Variants in CACNA2D1 observed in about 807,000 individuals in gnomAD.
The protein encoded by CACNA2D1 is voltage-dependent calcium channel subunit alpha-2/delta-1.
In CACNA2D1, 53 loss-of-function variants were observed where a neutral mutation model predicts 171.5. The ratio of observed to expected loss-of-function variants is 0.31; its 90% CI spans 0.25 to 0.39. CACNA2D1 has a LOEUF of 0.39. Ranked by LOEUF, CACNA2D1 falls within the 10% of genes least tolerant of loss-of-function variation. CACNA2D1 has a pLI of 1.00. For missense variants in CACNA2D1, 903 were observed against 1,299.8 expected (o/e 0.69, Z 4.69); for synonymous variants, 442 against 443.1 (o/e 1.00, Z 0.03).
At chr7:82,103,418 G>A (rs1362365629) in intron 6 of CACNA2D1, among the ~76,000 whole-genome samples, 2 of 152,196 alleles carry the variant, frequency 1.3e-5, no homozygotes, top group African/African-American at 4.8e-5. Context: ...ATTATGTGTT[G>A]AAAGTCTTGA....
At chr7:81,993,775 C>A (rs933168908) in intron 20 of CACNA2D1, among the ~76,000 whole-genome samples, 1 of 151,820 alleles carries the variant, frequency 6.6e-6, no homozygotes, top group African/African-American at 2.4e-5. Flanking sequence ...TTTTAAAATT[C>A]TAAGACAGGA....
intron 3 of CACNA2D1, among the ~76,000 whole-genome samples, chr7:82,215,940 T>C (rs1801050286): frequency 6.6e-6 from 1 of 152,124 alleles, no homozygotes; most frequent in Admixed American, 6.6e-5. Context: ...TTTCCCAGAA[T>C]CCAATTCAAT....
chr7:82,000,207 C>T (rs888860315), intron 18 of CACNA2D1, among the ~76,000 whole-genome samples: 2 of 151,860 alleles, frequency 1.3e-5, no homozygotes, highest in African/African-American at 2.4e-5. Flanking sequence ...TGCAGTAAGC[C>T]GAGATTGCGC....
rs1326964667 is a variant in CACNA2D1, at chr7:82,066,503, CT to C, written c.679del (p.Ser227ValfsTer34). On this transcript the variant is annotated frameshift_variant, in exon 8 of 39. Transcript: ENST00000356860. LOFTEE classifies it high-confidence loss of function. ...AAGGTCAATCTTATTTGGAGTTCTA[CT>C]ATTATCAACCCATGGTGAAGCTAAA... is the stretch of plus-strand genomic sequence containing the variant. ...YYPASPWVDN[S>X]RTPNKIDLYD... 1 of 1,596,332 alleles carries C rather than the reference CT, an allele frequency of 6.3e-7. No homozygotes were observed. Among genetic ancestry groups the C allele is most frequent in the Admixed American group, 1.7e-5 (1 of 58,382 alleles).
intron 1 of CACNA2D1, among the ~76,000 whole-genome samples, chr7:82,416,267 G>A (rs1009590631): frequency 7.2e-5 from 11 of 151,930 alleles, no homozygotes; most frequent in Non-Finnish European, 1.6e-4. Flanking sequence ...CATTTAAAAT[G>A]TAATCATTGT....
intron 12 of CACNA2D1, 67 bp from the exon 13 acceptor site, chr7:82,014,546 A>T: frequency 1.2e-6 from 1 of 858,508 alleles, no homozygotes; most frequent in Non-Finnish European, 2.0e-6. Context: ...AAAATAAAAC[A>T]GCTAAAATTT....
At chr7:82,128,832 C>A (rs111899714) in intron 5 of CACNA2D1, among the ~76,000 whole-genome samples, 1 of 152,010 alleles carries the variant, frequency 6.6e-6, no homozygotes, top group Non-Finnish European at 1.5e-5. Flanking sequence ...CCTGCCCCCA[C>A]GTTCCCCTGA....
chr7:81,995,349 A>G (rs1797932051), intron 19 of CACNA2D1, among the ~76,000 whole-genome samples: 1 of 152,176 alleles, frequency 6.6e-6, no homozygotes, highest in East Asian at 1.9e-4. Context: ...TGAGAAAAAT[A>G]TTTTTAAGAG....
intron 7 of CACNA2D1, 85 bp from the exon 8 acceptor site, chr7:82,066,609 C>G: frequency 6.7e-7 from 1 of 1,486,282 alleles, no homozygotes; most frequent in Non-Finnish European, 9.0e-7. Flanking sequence ...TCACAAAAAG[C>G]AATAGATACA....
intron 3 of CACNA2D1, among the ~76,000 whole-genome samples, chr7:82,332,564 A>AAGAAAGAAAGAAAGAGAG (rs200114409): frequency 2.8e-5 from 4 of 144,140 alleles, no homozygotes; most frequent in Non-Finnish European, 6.1e-5. Context: ...GAAAGAAAGA[A>AAGAAAGAAAGAAAGAGAG]AGAACGAACA....
In CACNA2D1 at chr7:81,959,768, C is replaced by G; in HGVS notation, c.3028G>C (p.Gly1010Arg). The G allele has an allele frequency of 8.7e-6, 14 of 1,612,720 alleles. No individual in the cohort carries two copies. Among genetic ancestry groups the G allele is most frequent in the Non-Finnish European group, 1.1e-5 (13 of 1,179,180 alleles). ...AGTCGTGTGTCACATGGACATGTCC[C>G]TTTGCTCTCAACCATTATGAATATT... is the stretch of plus-strand genomic sequence containing the variant. Reference protein sequence around the residue: ...NLIFIMVESKGTCPCDTRLLI... With the variant: ...NLIFIMVESKRTCPCDTRLLI... Residue 1010 changes from glycine (G) to arginine (R), a missense_variant, in exon 37 of 39, where the codon GGG becomes CGG. By Grantham distance (125) the Gly-to-Arg change is moderately radical. This residue lies in a region of CACNA2D1 where 623 missense variants were observed against 925.5 expected (regional missense o/e 0.67). Coordinates refer to ENST00000356860, the MANE Select transcript of CACNA2D1 (RefSeq NM_000722.4).
At chr7:82,443,135 G>A (rs950823872) in intron 1 of CACNA2D1, among the ~76,000 whole-genome samples, 1 of 152,112 alleles carries the variant, frequency 6.6e-6, no homozygotes, top group Non-Finnish European at 1.5e-5. Context: ...GGGACAGTCG[G>A]CCCCCAGTGC....
intron 6 of CACNA2D1, among the ~76,000 whole-genome samples, chr7:82,109,444 G>A (rs1399080016): frequency 2.0e-5 from 3 of 152,074 alleles, no homozygotes; most frequent in Non-Finnish European, 4.4e-5. Flanking sequence ...TAGGAAATTT[G>A]TCACGGTGAG....
intron 3 of CACNA2D1, among the ~76,000 whole-genome samples, chr7:82,238,682 T>A (rs927927374): frequency 1.3e-5 from 2 of 152,108 alleles, no homozygotes; most frequent in Non-Finnish European, 2.9e-5. Context: ...GAAGAATCTA[T>A]GAGGTTTTTT....
intron 6 of CACNA2D1, among the ~76,000 whole-genome samples, chr7:82,115,156 T>A (rs1487411561): frequency 6.6e-6 from 1 of 152,194 alleles, no homozygotes; most frequent in Non-Finnish European, 1.5e-5. Flanking sequence ...GACTCAAAGC[T>A]TCTATACCCA....
chr7:82,028,004 A>G (rs565180145), intron 12 of CACNA2D1: 5 of 152,042 alleles, frequency 3.3e-5, no homozygotes, highest in Admixed American at 6.6e-5. Flanking sequence ...GAAGGCCACT[A>G]TAATAAACAA....
intron 18 of CACNA2D1, among the ~76,000 whole-genome samples, chr7:82,000,708 C>T (rs1468604759): frequency 1.3e-5 from 2 of 149,632 alleles, no homozygotes; most frequent in Non-Finnish European, 3.0e-5. Context: ...AGCGATTCTG[C>T]CTCAGCTTCT....
At chr7:82,266,993 T>C (rs1457770956) in intron 3 of CACNA2D1, among the ~76,000 whole-genome samples, 3 of 152,210 alleles carry the variant, frequency 2.0e-5, no homozygotes, top group South Asian at 2.1e-4. Context: ...AAAAAATCTA[T>C]TGGACTCTAT....
rs752342036 is a variant in CACNA2D1 at position 82,220,342 on chromosome 7, G to A, written c.295-49733C>T. On this transcript the variant is annotated intron_variant, in intron 3 of 38. Transcript: ENST00000356860. ...AATGTAAATCTACTTTAAGAAATTCGCTGCTTGGGTTTAGGTGGATCTTTA... is the reference window on the plus strand; with the variant it reads ...AATGTAAATCTACTTTAAGAAATTCACTGCTTGGGTTTAGGTGGATCTTTA... Among the ~76,000 whole-genome samples the A allele has an allele frequency of 3.9e-5, 6 of 151,918 alleles. No homozygotes were observed. In the South Asian group the frequency reaches 6.2e-4, roughly 16 times the overall value.
Sources: gnomAD v4.1 joint callset for allele counts (sites outside exome capture counted in the v4.1 genomes callset) on GRCh38, gnomAD v4.1.1 for gene constraint, gnomAD v4.1.1 regional missense constraint, MANE v1.5 for transcripts, NCBI Gene and HGNC (gene_info 2026-07-23, HGNC 2026-07-21) for gene names.